Variants in PNPT1 observed in about 807,000 individuals in gnomAD.
PNPT1 encodes polyribonucleotide nucleotidyltransferase 1, also known as polyribonucleotide nucleotidyltransferase 1, mitochondrial.
Under a neutral mutation model 119.5 loss-of-function variants are expected in PNPT1, and 53 were observed. The observed-to-expected ratio is 0.44, with a 90% confidence interval of 0.36 to 0.56. The LOEUF is 0.56. PNPT1 is among the 20% of genes least tolerant of loss of function. PNPT1 has a pLI of 0.00. For missense variants in PNPT1, 948 were observed against 938.5 expected, an observed-to-expected ratio of 1.01 and a Z score of -0.13; for synonymous variants, 357 against 322.1, an observed-to-expected ratio of 1.11 and a Z score of -1.16.
chr2:55,651,488 C>T (rs1696199547), intron 18 of PNPT1, among the ~76,000 whole-genome samples: 1 of 152,066 alleles, frequency 6.6e-6, no homozygotes, highest in Non-Finnish European at 1.5e-5. Context: ...CAACCCTGTG[C>T]TCTCTGAAAC....
rs139667837 is a variant in PNPT1 at position 55,682,687 on chromosome 2, C to G, written c.453+1098G>C. 4.0e-3 allele frequency among the ~76,000 whole-genome samples: 606 copies of G among 152,172 alleles called. 3 individuals carry two copies. The highest frequency in any genetic ancestry group is 0.014 in the African/African-American group (587 of 41,488). ...GTTTGGGAGGCTGAGGCAGGAGGATCGCTTGAGAGCAGGAGTTCAAGACCA... is the reference window on the plus strand; with the variant it reads ...GTTTGGGAGGCTGAGGCAGGAGGATGGCTTGAGAGCAGGAGTTCAAGACCA... On this transcript the variant is annotated intron_variant, in intron 5 of 27. Transcript: ENST00000447944.
chr2:55,645,232 G>C (rs1337228132), intron 22 of PNPT1, 117 bp downstream of exon 22: 3 of 616,968 alleles, frequency 4.9e-6, no homozygotes, highest in Non-Finnish European at 8.4e-6. Flanking sequence ...CACCGTGTTA[G>C]CCAGGATGGT....
chr2:55,651,089 CG>C lies in PNPT1; in HGVS notation c.1496-3637del, dbSNP rs1450346598. ...AGGGAGGTGGGGGGGTCAGCCCCCC[CG>C]CCCAGCCAGCCGCCCCGTCCGGGAG... On this transcript the variant is annotated intron_variant, in intron 18 of 27. Transcript: ENST00000447944. 9.1e-4 allele frequency among the ~76,000 whole-genome samples: 135 copies of C among 147,842 alleles called. 2 individuals are homozygous for C. Among genetic ancestry groups the C allele is most frequent in the Non-Finnish European group, 1.6e-3 (108 of 65,986 alleles).
At chr2:55,640,817 T>G in intron 25 of PNPT1, 112 bp from the exon 26 acceptor site, 2 of 686,614 alleles carry the variant, frequency 2.9e-6, no homozygotes, top group Non-Finnish European at 4.8e-6. Flanking sequence ...AAAGAAACAA[T>G]TCTAGCACGT....
At chr2:55,643,540 T>C in intron 23 of PNPT1, 115 bp from the exon 24 acceptor site, 1 of 844,208 alleles carries the variant, frequency 1.2e-6, no homozygotes, top group Non-Finnish European at 1.9e-6. Flanking sequence ...AGCTCAGGAG[T>C]TCAAGGCCAG....
In PNPT1 at chr2:55,659,867, C is replaced by T. The variant is rs112344663; in HGVS notation, c.1284+290G>A. ...GATAGTCACTGTAAAGTTCTTTCAA[C>T]TTTACTGTATCCTGGAAGTTTTTAA... On this transcript the variant is annotated intron_variant, in intron 15 of 27. Coordinates refer to ENST00000447944, the MANE Select transcript of PNPT1 (RefSeq NM_033109.5). Among the ~76,000 whole-genome samples, 319 of 152,252 alleles carry T rather than the reference C, an allele frequency of 2.1e-3. 5 individuals are homozygous for T. Among genetic ancestry groups the T allele is most frequent in the African/African-American group, 6.9e-3 (285 of 41,560 alleles).
intron 23 of PNPT1, 47 bp downstream of exon 23, chr2:55,644,590 T>C (rs762202770): frequency 4.2e-5 from 59 of 1,399,954 alleles, no homozygotes; most frequent in Non-Finnish European, 5.7e-5. Context: ...CAAACTTTTA[T>C]GGTCTAGCAT....
At chr2:55,693,334 C>A (rs560036891) in intron 1 of PNPT1, among the ~76,000 whole-genome samples, 2 of 152,224 alleles carry the variant, frequency 1.3e-5, no homozygotes, top group Non-Finnish European at 2.9e-5. Context: ...GTCTCACCCA[C>A]GTCAACTCGT....
rs565235308 is a variant in PNPT1, at chr2:55,672,213, C to T, written c.867-167G>A. ...CTATTTATCATTGCTAATCTGTTTA[C>T]TATTTATGGTATAGAACACAAATTT... On this transcript the variant is annotated intron_variant, in intron 9 of 27. Transcript: ENST00000447944. Among the ~76,000 whole-genome samples, 12 of 152,268 alleles carry T rather than the reference C, an allele frequency of 7.9e-5. No individual in the cohort carries two copies. The South Asian group carries it at 2.5e-3, about 32-fold the overall frequency.
intron 9 of PNPT1, among the ~76,000 whole-genome samples, chr2:55,672,524 G>A (rs960369771): frequency 1.3e-5 from 2 of 152,124 alleles, no homozygotes; most frequent in Admixed American, 6.6e-5. Context: ...TCTGCCTAAC[G>A]TTCTAAGCAC....
Position 55,654,179 on chromosome 2 carries a change from C to T in PNPT1, c.1495+721G>A, listed in dbSNP as rs150796393. 8.7e-3 allele frequency among the ~76,000 whole-genome samples: 1,324 copies of T among 151,548 alleles called. 24 individuals are homozygous for T. Among genetic ancestry groups the T allele is most frequent in the African/African-American group, 0.031 (1,276 of 41,270 alleles). On this transcript the variant is annotated intron_variant, in intron 18 of 27. Coordinates refer to ENST00000447944, the MANE Select transcript of PNPT1 (RefSeq NM_033109.5). ...GGCTGAGGCAGAAGAATCACTTGAA[C>T]CTGGGAGGCGGAGGTTGCAGTGAGC...
At chr2:55,671,906 G>C in intron 10 of PNPT1, 89 bp downstream of exon 10, 1 of 865,068 alleles carries the variant, frequency 1.2e-6, no homozygotes, top group Non-Finnish European at 1.8e-6. Flanking sequence ...AATAAAAATA[G>C]GACTAGCATT....
chr2:55,679,925 T>C (rs1697193214), intron 7 of PNPT1, 130 bp from the exon 8 acceptor site: 1 of 647,656 alleles, frequency 1.5e-6, no homozygotes, highest in African/African-American at 1.9e-5. Flanking sequence ...TACACGGTAT[T>C]TAAGACCCAC....
At chr2:55,691,868 ATATATATATATTTTTTT>A (rs1352571987) in intron 1 of PNPT1, among the ~76,000 whole-genome samples, 9 of 42,172 alleles carry the variant, frequency 2.1e-4, no homozygotes, top group African/African-American at 3.8e-4. Context: ...ATATATATAT[ATATATATATATTTTTTT>A]TTTTTTTTTT....
At chr2:55,683,124 G>A (rs1031355713) in intron 5 of PNPT1, among the ~76,000 whole-genome samples, 1 of 152,136 alleles carries the variant, frequency 6.6e-6, no homozygotes, top group African/African-American at 2.4e-5. Flanking sequence ...ATAAAAATTA[G>A]TTACGTTAGT....
intron 5 of PNPT1, among the ~76,000 whole-genome samples, chr2:55,682,483 T>C (rs1465074985): frequency 3.9e-5 from 6 of 152,054 alleles, no homozygotes; most frequent in African/African-American, 1.4e-4. Flanking sequence ...TTTCTGTTTA[T>C]AAGCATAGAT....
At chr2:55,644,491 G>T in intron 23 of PNPT1, 146 bp downstream of exon 23, 1 of 479,084 alleles carries the variant, frequency 2.1e-6, no homozygotes, top group Non-Finnish European at 3.5e-6. Flanking sequence ...AAAACTCACA[G>T]TCAAGACACG....
At chr2:55,679,851 C>T (rs1572830228) in intron 7 of PNPT1, 56 bp from the exon 8 acceptor site, 4 of 1,216,446 alleles carry the variant, frequency 3.3e-6, no homozygotes, top group Non-Finnish European at 4.7e-6. Flanking sequence ...GTTTTCAAGA[C>T]ATTATTCCAG....
In PNPT1 at chr2:55,656,117, T is replaced by C. The variant is rs1446363371; in HGVS notation, c.1441+14A>G. The C allele has an allele frequency of 1.2e-6, 2 of 1,607,432 alleles. No homozygotes were observed. The highest frequency in any genetic ancestry group is 4.5e-5 in the East Asian group (2 of 44,734). On this transcript the variant is annotated intron_variant, in intron 17 of 27. Transcript: ENST00000447944. ...GGTCTTTTCTACTATGAAAGAAGTA[T>C]TTCAATACCATACCATTTGACTCTA...
Sources: gnomAD v4.1 joint callset for allele counts (sites outside exome capture counted in the v4.1 genomes callset) on GRCh38, gnomAD v4.1.1 for gene constraint, MANE v1.5 for transcripts, NCBI Gene and HGNC (gene_info 2026-07-23, HGNC 2026-07-21) for gene names.